Variants in HS6ST3 observed in about 807,000 individuals in gnomAD.
HS6ST3 encodes heparan-sulfate 6-O-sulfotransferase 3.
A neutral mutation model predicts 36.7 loss-of-function variants in HS6ST3; 12 were observed. That is an observed-to-expected ratio of 0.33 (90% CI 0.21 to 0.53). The LOEUF (loss-of-function observed/expected upper bound fraction) is 0.53, where lower values mean the gene tolerates loss of function less well. Among genes scored for constraint, HS6ST3 ranks in the 20% least tolerant of loss-of-function variants. The probability of loss-of-function intolerance (pLI) is 0.95; values close to 1 mark genes in which losing one functional copy is unlikely to be tolerated. For missense variants in HS6ST3, 584 were observed against 640.9 expected (o/e 0.91, Z 0.96); for synonymous variants, 240 against 257.5 (o/e 0.93, Z 0.65).
chr13:96,780,660 A>G (rs182749760), intron 1 of HS6ST3, among the ~76,000 whole-genome samples: 5 of 152,272 alleles, frequency 3.3e-5, no homozygotes, highest in Admixed American at 3.3e-4. Context: ...GAACACTAGT[A>G]CAGGATAAGA....
chr13:96,511,715 C>T (rs973569667), intron 1 of HS6ST3, among the ~76,000 whole-genome samples: 1 of 151,788 alleles, frequency 6.6e-6, no homozygotes, highest in Non-Finnish European at 1.5e-5. Context: ...CTTAGGTGAA[C>T]AGAATTTTTT....
At chr13:96,815,332 T>C (rs1878397260) in intron 1 of HS6ST3, among the ~76,000 whole-genome samples, 1 of 152,256 alleles carries the variant, frequency 6.6e-6, no homozygotes, top group African/African-American at 2.4e-5. Flanking sequence ...ACCAGTCATA[T>C]TGGATCAGGG....
chr13:96,292,037 T>C (rs752747777), intron 1 of HS6ST3, among the ~76,000 whole-genome samples: 11 of 152,110 alleles, frequency 7.2e-5, no homozygotes, highest in Non-Finnish European at 1.5e-4. Flanking sequence ...CCTTGACTTA[T>C]GAGATGGTAA....
At chr13:96,542,326 G>A (rs1050470726) in intron 1 of HS6ST3, among the ~76,000 whole-genome samples, 3 of 152,158 alleles carry the variant, frequency 2.0e-5, no homozygotes, top group African/African-American at 7.2e-5. Flanking sequence ...TGGGTAGGGA[G>A]AAATTGGGCA....
At chr13:96,664,457 A>T (rs945149736) in intron 1 of HS6ST3, among the ~76,000 whole-genome samples, 1 of 152,186 alleles carries the variant, frequency 6.6e-6, no homozygotes, top group Non-Finnish European at 1.5e-5. Context: ...CCAAGCCAAT[A>T]TAGATCAAAA....
intron 1 of HS6ST3, among the ~76,000 whole-genome samples, chr13:96,339,256 T>G (rs1460232190): frequency 2.0e-5 from 3 of 152,188 alleles, no homozygotes; most frequent in Non-Finnish European, 2.9e-5. Flanking sequence ...AACTCATTGA[T>G]GAAGAACAAA....
At chr13:96,823,711 C>T (rs1878586333) in intron 1 of HS6ST3, among the ~76,000 whole-genome samples, 1 of 152,054 alleles carries the variant, frequency 6.6e-6, no homozygotes. Context: ...CCTCCGCCTC[C>T]CATGTTCAAG....
chr13:96,693,393 C>T (rs1392359612), intron 1 of HS6ST3, among the ~76,000 whole-genome samples: 1 of 152,164 alleles, frequency 6.6e-6, no homozygotes, highest in East Asian at 1.9e-4. Flanking sequence ...CAACTTCCAC[C>T]TCCCGGGTTC....
At chr13:96,741,002 T>C (rs1021334783) in intron 1 of HS6ST3, among the ~76,000 whole-genome samples, 1 of 152,196 alleles carries the variant, frequency 6.6e-6, no homozygotes, top group African/African-American at 2.4e-5. Context: ...GGCACTTTGT[T>C]AGCATTAAGC....
At chr13:96,456,051 T>A (rs905344543) in intron 1 of HS6ST3, among the ~76,000 whole-genome samples, 6 of 152,228 alleles carry the variant, frequency 3.9e-5, no homozygotes, top group Admixed American at 3.9e-4. Context: ...TGAGTGCTTT[T>A]TATTATGTGT....
intron 1 of HS6ST3, among the ~76,000 whole-genome samples, chr13:96,713,281 A>G (rs1875607648): frequency 6.6e-6 from 1 of 152,236 alleles, no homozygotes; most frequent in Admixed American, 6.5e-5. Context: ...AAAGAGAACT[A>G]AACTGCTTTT....
chr13:96,158,825 G>A (rs2054122929), intron 1 of HS6ST3, among the ~76,000 whole-genome samples: 1 of 151,824 alleles, frequency 6.6e-6, no homozygotes, highest in Non-Finnish European at 1.5e-5. Context: ...GGAGAACTGA[G>A]AGCCCAGGAA....
At chr13:96,589,015 C>T (rs973211322) in intron 1 of HS6ST3, among the ~76,000 whole-genome samples, 2 of 145,328 alleles carry the variant, frequency 1.4e-5, no homozygotes, top group Non-Finnish European at 3.0e-5. Context: ...AGCACCACTG[C>T]ACTCCAGCCT....
At chr13:96,592,626 T>TTTTA (rs747560248) in intron 1 of HS6ST3, among the ~76,000 whole-genome samples, 18 of 152,152 alleles carry the variant, frequency 1.2e-4, no homozygotes, top group African/African-American at 1.4e-4. Context: ...TTCCTCAGCA[T>TTTTA]TTTATTTATT....
chr13:96,727,547 G>A (rs1441114982), intron 1 of HS6ST3, among the ~76,000 whole-genome samples: 1 of 152,014 alleles, frequency 6.6e-6, no homozygotes, highest in Non-Finnish European at 1.5e-5. Context: ...AATAAAGATT[G>A]TAATCATATT....
intron 1 of HS6ST3, among the ~76,000 whole-genome samples, chr13:96,447,105 C>T (rs2055702863): frequency 6.6e-6 from 1 of 152,132 alleles, no homozygotes; most frequent in South Asian, 2.1e-4. Flanking sequence ...TTCCCTGGCT[C>T]TTAGATGAGC....
chr13:96,319,083 A>G (rs2054991148), intron 1 of HS6ST3, among the ~76,000 whole-genome samples: 1 of 152,220 alleles, frequency 6.6e-6, no homozygotes, highest in Admixed American at 6.5e-5. Context: ...GCCAAAAAAG[A>G]AACCCTGTGC....
At chr13:96,274,869 AC>A (rs2054740327) in intron 1 of HS6ST3, among the ~76,000 whole-genome samples, 2 of 151,286 alleles carry the variant, frequency 1.3e-5, no homozygotes, top group African/African-American at 4.9e-5. Flanking sequence ...ACACACACAC[AC>A]ACACACACAC....
At chr13:96,536,312 G>A (rs937726789) in intron 1 of HS6ST3, among the ~76,000 whole-genome samples, 9 of 152,132 alleles carry the variant, frequency 5.9e-5, no homozygotes, top group African/African-American at 2.2e-4. Flanking sequence ...TACAAAACAT[G>A]TTATTTTGCT....
Sources: allele counts gnomAD v4.1 joint callset (sites outside exome capture counted in the v4.1 genomes callset), GRCh38; gene constraint gnomAD v4.1.1; transcripts MANE v1.5; gene names NCBI Gene and HGNC (gene_info 2026-07-23, HGNC 2026-07-21).